HSPG2: variants seen among roughly 807,000 people sequenced by gnomAD.
The protein encoded by HSPG2 is heparan sulfate proteoglycan 2, also known as basement membrane-specific heparan sulfate proteoglycan core protein.
In HSPG2, 278 loss-of-function variants were observed where a neutral mutation model predicts 526.6. The observed-to-expected ratio is 0.53, with a 90% CI of 0.48 to 0.58. HSPG2 has a LOEUF of 0.58. Among genes scored for constraint, HSPG2 ranks in the 20% least tolerant of loss-of-function variants. The probability of loss-of-function intolerance (pLI) is 0.00; values close to 1 mark genes in which losing one functional copy is unlikely to be tolerated. For synonymous variants in HSPG2, 2,465 were observed against 2,555.4 expected (o/e 0.96, Z 1.07); for missense variants, 5,354 against 6,099.5 (o/e 0.88, Z 4.07).
At position 21,880,685 on chromosome 1, in the gene HSPG2, G is replaced by A; in HGVS notation, c.1969C>T (p.Leu657=). The change falls in exon 15 of 97, where the codon CTG becomes TTG. Residue 657 remains leucine (L), a synonymous_variant. Coordinates refer to ENST00000374695, the MANE Select transcript of HSPG2 (RefSeq NM_005529.7). ...RGHTPTQPGA[L]NQRQVQFSEE... ...GAGAACTGGACCTGGCGCTGGTTCA[G>A]AGCACCAGGTTGGGTGGGTGTGTGG... 6.3e-7 allele frequency: 1 copy of A among 1,599,604 alleles called. No homozygotes were observed. The highest frequency in any genetic ancestry group is 2.3e-5 in the East Asian group (1 of 44,226).
intron 25 of HSPG2, 111 bp downstream of exon 25, chr1:21,875,518 A>C (rs1191281765): frequency 1.2e-6 from 1 of 834,412 alleles, no homozygotes; most frequent in Non-Finnish European, 2.0e-6. Flanking sequence ...AGACAGGGAA[A>C]GTGAGGCACA....
At position 21,865,765 on chromosome 1, in the gene HSPG2, T is replaced by C; in HGVS notation, c.4266A>G (p.Thr1422=). 1 of 1,613,878 alleles carries C rather than the reference T, an allele frequency of 6.2e-7. No individual in the cohort carries two copies. The highest frequency in any genetic ancestry group is 8.5e-7 in the Non-Finnish European group (1 of 1,179,996). ...AGAGTGGGCTGCCCTGTGGGCCTGC[T>C]GTGTAGGAGAGGGTGTATCGCAACT... ...GGKLRYTLSY[T]AGPQGSPLSD... The change falls in exon 34 of 97, where the codon ACA becomes ACG. Residue 1422 remains threonine, a synonymous_variant. Transcript: ENST00000374695. This position sits in a 1 kb window ranked among gnomAD's most constrained non-coding sequence, Gnocchi z 5.4.
Position 21,831,464 on chromosome 1 carries a change from T to C in HSPG2, c.11451A>G (p.Ile3817Met), listed in dbSNP as rs1216049988. 1 of 1,613,666 alleles carries C rather than the reference T, an allele frequency of 6.2e-7. No individual in the cohort carries two copies. ...GCTGGAGGTGGGGAGGGGGCTCACC[T>C]ATGAAGCCGCTGCTCAGCCCCGCCT... ...IPKAGLSSGF[I>M]GCVRELRIQG... The change falls in exon 83 of 97, where the codon ATA (isoleucine) becomes ATG (methionine). Residue 3817 changes from isoleucine (I) to methionine (M), a missense_variant and splice_region_variant. Physicochemically the swap from Ile to Met is conservative, Grantham distance 10. Coordinates refer to ENST00000374695, the MANE Select transcript of HSPG2 (RefSeq NM_005529.7).
At chr1:21,873,552 AT>A in intron 29 of HSPG2, 128 bp from the exon 30 acceptor site, 1 of 973,048 alleles carries the variant, frequency 1.0e-6, no homozygotes, top group Non-Finnish European at 1.6e-6. Flanking sequence ...TGACTCGCCC[AT>A]GTTACGGGGA....
intron 1 of HSPG2, among the ~76,000 whole-genome samples, chr1:21,925,986 C>T (rs550584874): frequency 6.6e-5 from 10 of 152,122 alleles, no homozygotes; most frequent in African/African-American, 1.4e-4. Context: ...TGAGCCACCA[C>T]GCCCGGCTAA....
chr1:21,906,577 T>C (rs921315849), intron 1 of HSPG2, among the ~76,000 whole-genome samples: 5 of 152,078 alleles, frequency 3.3e-5, no homozygotes, highest in Admixed American at 6.6e-5. Context: ...AAGCGCCCCA[T>C]GTCTGCTTTC....
At chr1:21,833,247 C>A (rs1158122194) in intron 80 of HSPG2, 21 bp downstream of exon 80, 2 of 1,605,752 alleles carry the variant, frequency 1.2e-6, no homozygotes, top group Middle Eastern at 1.7e-4. Context: ...GCCCACCCCG[C>A]AAATTAACCC....
Position 21,887,879 on chromosome 1 carries a change from G to A in HSPG2, c.703+59C>T. The A allele has an allele frequency of 1.9e-6, 3 of 1,611,652 alleles. No individual in the cohort carries two copies. The highest frequency in any genetic ancestry group is 8.5e-7 in the Non-Finnish European group (1 of 1,178,652). ...CCTTGATGGGCTCCAAGACCCAGGT[G>A]TAGGACCCTGGCCCTCCCCTGGCAC... On this transcript the variant is annotated intron_variant, in intron 7 of 96. Coordinates refer to ENST00000374695, the MANE Select transcript of HSPG2 (RefSeq NM_005529.7). The surrounding 1 kb of genome is among the most constrained non-coding windows in gnomAD (Gnocchi z 5.0).
chr1:21,897,240 C>T (rs534355710), intron 1 of HSPG2, among the ~76,000 whole-genome samples: 10 of 152,326 alleles, frequency 6.6e-5, no homozygotes, highest in East Asian at 1.9e-4. Context: ...TGCAGATTCA[C>T]GATGGCTGGA....
intron 57 of HSPG2, among the ~76,000 whole-genome samples, chr1:21,849,409 C>T (rs1638707029): frequency 1.3e-5 from 2 of 152,192 alleles, no homozygotes; most frequent in Non-Finnish European, 2.9e-5. Context: ...GGACTCTTGT[C>T]CAGCAGCGGG....
In HSPG2 at chr1:21,842,094, T is replaced by G; in HGVS notation, c.9101A>C (p.Gln3034Pro). 1 of 1,613,660 alleles carries G rather than the reference T, an allele frequency of 6.2e-7. No individual in the cohort carries two copies. The highest frequency in any genetic ancestry group is 1.1e-5 in the South Asian group (1 of 91,086). The change falls in exon 69 of 97, where the codon CAG becomes CCG. Residue 3034 changes from glutamine (Q) to proline (P), a missense_variant. By Grantham distance (76) the Gln-to-Pro change is moderately conservative (BLOSUM62 -1). Transcript: ENST00000374695. ...CTTGAAGCTGGCATCCTGGCCCTGC[T>G]GCACGGTGCTGCTGGGCGGGTCGAT... is the stretch of plus-strand genomic sequence containing the variant. Reference protein sequence around the residue: ...ISIDPPSSTVQQGQDASFKCL... With the variant: ...ISIDPPSSTVPQGQDASFKCL...
At chr1:21,854,545 C>T in intron 49 of HSPG2, 66 bp downstream of exon 49, 1 of 1,505,356 alleles carries the variant, frequency 6.6e-7, no homozygotes, top group Middle Eastern at 2.3e-4. Flanking sequence ...GCCCAGCGTA[C>T]AGGCCCCGCC....
rs553069949 is a variant in HSPG2, at chr1:21,906,733, G to T, written c.64-10423C>A. 5.6e-3 allele frequency among the ~76,000 whole-genome samples: 838 copies of T among 150,910 alleles called. 6 individuals carry two copies. Among genetic ancestry groups the T allele is most frequent in the African/African-American group, 0.018 (745 of 41,070 alleles). On this transcript the variant is annotated intron_variant, in intron 1 of 96. Transcript: ENST00000374695. ...AGCAACATGATGGGACTGGGGGGTG[G>T]GGGGGGGTCACGTGCAACTATTTGG...
intron 26 of HSPG2, 49 bp from the exon 27 acceptor site, chr1:21,874,778 T>C: frequency 6.5e-7 from 1 of 1,529,876 alleles, no homozygotes; most frequent in Non-Finnish European, 8.9e-7. Flanking sequence ...CACGGCCCAT[T>C]CAGGTAGGGG....
At chr1:21,879,380 G>T (rs933331340) in intron 17 of HSPG2, among the ~76,000 whole-genome samples, 1 of 152,156 alleles carries the variant, frequency 6.6e-6, no homozygotes, top group African/African-American at 2.4e-5. Context: ...GCACCCACTG[G>T]CCAGTTCTGC....
At position 21,828,205 on chromosome 1, in the gene HSPG2, G is replaced by T; in HGVS notation, c.12409+50C>A. The stretch of plus-strand genomic sequence containing the variant: ...TGGGTGGGCATGGGCTGGAGGTGTC[G>T]CTGACCACCTGTGCCCCTCCCCTCC... On this transcript the variant is annotated intron_variant, in intron 89 of 96. Coordinates refer to ENST00000374695, the MANE Select transcript of HSPG2 (RefSeq NM_005529.7). The surrounding 1 kb of genome is among the most constrained non-coding windows in gnomAD (Gnocchi z 6.0). The T allele has an allele frequency of 6.2e-7, 1 of 1,612,804 alleles. No individual in the cohort carries two copies. The highest frequency in any genetic ancestry group is 8.5e-7 in the Non-Finnish European group (1 of 1,179,868).
chr1:21,831,110 A>G lies in HSPG2; in HGVS notation c.11563-20T>C. ...GCCATTCTGCAAAGCAGCCCCCAGA[A>G]GTAAGGCCGAGAACATTCAGTACCC... On this transcript the variant is annotated intron_variant, in intron 84 of 96. Coordinates refer to ENST00000374695, the MANE Select transcript of HSPG2 (RefSeq NM_005529.7). The G allele has an allele frequency of 6.2e-7, 1 of 1,609,164 alleles. No individual in the cohort carries two copies. The highest frequency in any genetic ancestry group is 2.2e-5 in the East Asian group (1 of 44,828).
Position 21,848,849 on chromosome 1 carries a change from G to A in HSPG2, c.7585+44C>T. 1 of 1,613,098 alleles carries A rather than the reference G, an allele frequency of 6.2e-7. No homozygotes were observed. Among genetic ancestry groups the A allele is most frequent in the East Asian group, 2.2e-5 (1 of 44,854 alleles). ...GGGAGCTGCTGAGGGTGCAGTCGGG[G>A]TCCCCCAGCCCTCCACCATTTGCAT... On this transcript the variant is annotated intron_variant, in intron 58 of 96. Transcript: ENST00000374695. The surrounding 1 kb of genome is among the most constrained non-coding windows in gnomAD (Gnocchi z 4.9).
intron 1 of HSPG2, among the ~76,000 whole-genome samples, chr1:21,914,589 C>T (rs765741543): frequency 6.6e-6 from 1 of 152,156 alleles, no homozygotes; most frequent in Non-Finnish European, 1.5e-5. Context: ...GGTAGAAAAG[C>T]GCAGGTGTCT....
Sources: gnomAD v4.1 joint callset for allele counts (sites outside exome capture counted in the v4.1 genomes callset) on GRCh38, gnomAD v4.1.1 for gene constraint, Gnocchi (gnomAD v3.1) non-coding constraint, MANE v1.5 for transcripts, NCBI Gene and HGNC (gene_info 2026-07-23, HGNC 2026-07-21) for gene names.